MAGI2: variants seen among roughly 807,000 people sequenced by gnomAD.
MAGI2 encodes the protein membrane-associated guanylate kinase, WW and PDZ domain-containing protein 2.
MAGI2 carries 35 observed loss-of-function variants against 133.3 expected under a neutral mutation model. The observed-to-expected ratio is 0.26, with a 90% CI of 0.20 to 0.35. The LOEUF (loss-of-function observed/expected upper bound fraction) is 0.35. Ranked by LOEUF, MAGI2 falls within the 10% of genes least tolerant of loss-of-function variation. The pLI, the probability that MAGI2 is intolerant of heterozygous loss-of-function variation, is 1.00. For missense variants in MAGI2, 1,636 were observed against 1,863.4 expected (o/e 0.88, Z 2.25); for synonymous variants, 729 against 710.6 (o/e 1.03, Z -0.41).
chr7:78,837,692 C>T (rs552505267), intron 2 of MAGI2, among the ~76,000 whole-genome samples: 29 of 152,092 alleles, frequency 1.9e-4, no homozygotes, highest in African/African-American at 5.1e-4. Flanking sequence ...AAATGTAAAA[C>T]GCACACTTAA....
intron 1 of MAGI2, among the ~76,000 whole-genome samples, chr7:79,141,390 C>A (rs1208064546): frequency 6.6e-6 from 1 of 152,118 alleles, no homozygotes; most frequent in Non-Finnish European, 1.5e-5. Flanking sequence ...ATGTCTGTAT[C>A]ATGCTGCCAT....
intron 2 of MAGI2, chr7:78,902,641 A>G (rs1446983583): frequency 6.6e-6 from 1 of 152,204 alleles, no homozygotes; most frequent in Non-Finnish European, 1.5e-5. Flanking sequence ...CAAATTTCAC[A>G]TACAGAAAAT....
chr7:79,382,585 A>G (rs1843869338), intron 1 of MAGI2, among the ~76,000 whole-genome samples: 1 of 151,622 alleles, frequency 6.6e-6, no homozygotes, highest in East Asian at 1.9e-4. Context: ...TCCCATTTGC[A>G]TAAGGGGAAA....
At chr7:79,044,249 A>G (rs969718355) in intron 1 of MAGI2, among the ~76,000 whole-genome samples, 16 of 152,226 alleles carry the variant, frequency 1.1e-4, no homozygotes, top group Non-Finnish European at 2.2e-4. Context: ...AGTGGGCTTC[A>G]TTCCTGGGAT....
chr7:79,043,587 T>C (rs1290113865), intron 1 of MAGI2, among the ~76,000 whole-genome samples: 2 of 76,998 alleles, frequency 2.6e-5, no homozygotes, highest in Non-Finnish European at 5.8e-5. Context: ...CAAAAAACCA[T>C]ACAAAAGATC....
intron 16 of MAGI2, among the ~76,000 whole-genome samples, chr7:78,152,513 C>T (rs1012621078): frequency 3.9e-5 from 6 of 152,166 alleles, no homozygotes; most frequent in Admixed American, 1.3e-4. Flanking sequence ...TCATTAGCAA[C>T]GATCTACCAC....
rs57714371 is a variant in MAGI2, at chr7:78,070,174, CATATATATATATATATATATAT to C, written c.3706+8751_3706+8772del. ...ACACACATATATATACACACACACA[CATATATATATATATATATATAT>C]ATATATATATATATATATATATACA... On this transcript the variant is annotated intron_variant, in intron 21 of 21. Coordinates refer to ENST00000354212, the MANE Select transcript of MAGI2 (RefSeq NM_012301.4). Among the ~76,000 whole-genome samples the C allele has an allele frequency of 4.4e-4, 25 of 56,666 alleles. 1 individual carries two copies. In the East Asian group the frequency reaches 0.011, roughly 25 times the overall value. 37.2% of individuals were successfully genotyped at this position (56,666 alleles called of 152,430 possible). A position where few individuals can be genotyped will look rare whatever the true frequency, so the allele number is the denominator to read the frequency against.
intron 1 of MAGI2, among the ~76,000 whole-genome samples, chr7:79,023,748 G>C (rs572078180): frequency 6.6e-6 from 1 of 152,088 alleles, no homozygotes; most frequent in East Asian, 1.9e-4. Flanking sequence ...GCAACAAAAA[G>C]AATAAAATAC....
intron 1 of MAGI2, among the ~76,000 whole-genome samples, chr7:79,207,526 C>G (rs1470523804): frequency 6.6e-6 from 1 of 151,178 alleles, no homozygotes; most frequent in Non-Finnish European, 1.5e-5. Context: ...GATCTCAAAT[C>G]AAAAACTATA....
intron 13 of MAGI2, among the ~76,000 whole-genome samples, chr7:78,180,029 T>C (rs1248014601): frequency 6.6e-6 from 1 of 152,194 alleles, no homozygotes. Context: ...CAGATATTGC[T>C]CAATCACTGT....
intron 1 of MAGI2, among the ~76,000 whole-genome samples, chr7:79,109,309 C>G (rs1157925248): frequency 6.6e-6 from 1 of 152,084 alleles, no homozygotes; most frequent in Non-Finnish European, 1.5e-5. Context: ...GTTATTTGGA[C>G]AATAAAATCC....
At chr7:78,711,876 A>G (rs1164126529) in intron 2 of MAGI2, among the ~76,000 whole-genome samples, 1 of 152,184 alleles carries the variant, frequency 6.6e-6, no homozygotes, top group Non-Finnish European at 1.5e-5. Flanking sequence ...TAATCCAAAA[A>G]CTATTTCTAT....
intron 1 of MAGI2, among the ~76,000 whole-genome samples, chr7:79,080,723 A>G (rs1815964370): frequency 6.6e-6 from 1 of 152,090 alleles, no homozygotes; most frequent in African/African-American, 2.4e-5. Context: ...AAAGCACTCT[A>G]GAGTCATTTC....
chr7:78,401,573 C>T (rs922266439), intron 6 of MAGI2, among the ~76,000 whole-genome samples: 2 of 152,062 alleles, frequency 1.3e-5, no homozygotes, highest in Non-Finnish European at 2.9e-5. Flanking sequence ...ATTCCCGTTA[C>T]ATATATTCAG....
intron 1 of MAGI2, among the ~76,000 whole-genome samples, chr7:79,409,160 T>A (rs1217303587): frequency 6.6e-6 from 1 of 151,980 alleles, no homozygotes; most frequent in Non-Finnish European, 1.5e-5. Context: ...AGAGAAAAAA[T>A]TAAAACAATT....
intron 21 of MAGI2, among the ~76,000 whole-genome samples, chr7:78,044,957 A>G (rs1811268888): frequency 1.3e-5 from 2 of 152,168 alleles, no homozygotes; most frequent in African/African-American, 4.8e-5. Flanking sequence ...TCACGAGGTC[A>G]AGAGATAGAG....
intron 2 of MAGI2, among the ~76,000 whole-genome samples, chr7:78,852,114 A>G (rs915497718): frequency 6.6e-6 from 1 of 151,976 alleles, no homozygotes; most frequent in Non-Finnish European, 1.5e-5. Context: ...TTGGGGGTTT[A>G]TTTGTATTTA....
intron 9 of MAGI2, among the ~76,000 whole-genome samples, chr7:78,303,378 C>CAAA (rs11377993): frequency 0.026 from 843 of 33,032 alleles, 33 homozygotes; most frequent in Non-Finnish European, 0.034. Flanking sequence ...AAACTGTCTC[C>CAAA]AAAAAAAAAA....
At chr7:79,195,275 A>C (rs1827983095) in intron 1 of MAGI2, among the ~76,000 whole-genome samples, 1 of 151,992 alleles carries the variant, frequency 6.6e-6, no homozygotes, top group South Asian at 2.1e-4. Context: ...AATGAAAATC[A>C]GATGTTCACC....
Sources: allele counts gnomAD v4.1 joint callset (sites outside exome capture counted in the v4.1 genomes callset), GRCh38; gene constraint gnomAD v4.1.1; transcripts MANE v1.5; gene names NCBI Gene and HGNC (gene_info 2026-07-23, HGNC 2026-07-21).